The following ZNF454 variants were observed in gnomAD, a reference collection of about 807,000 sequenced individuals.
ZNF454 encodes zinc finger protein 454.
ZNF454 carries 30 observed loss-of-function variants against 48.2 expected under a neutral mutation model. The observed-to-expected ratio is 0.62, with a 90% CI of 0.47 to 0.84. The LOEUF (loss-of-function observed/expected upper bound fraction) is 0.84, where lower values mean the gene tolerates loss of function less well. Ranked by LOEUF, ZNF454 falls within the 40% of genes least tolerant of loss-of-function variation. ZNF454 has a pLI of 0.00. For synonymous variants in ZNF454, 204 were observed against 211.4 expected (o/e 0.97, Z 0.30); for missense variants, 510 against 623.1 (o/e 0.82, Z 1.93).
the ZNF454 span, among the ~76,000 whole-genome samples, chr5:178,974,524 T>TA: frequency 1.3e-5 from 2 of 152,304 alleles, no homozygotes; most frequent in East Asian, 3.9e-4. Flanking sequence ...TTCACCGTGT[T>TA]AGCCAGGATG....
the ZNF454 span, chr5:178,985,314 C>T: frequency 6.6e-6 from 3 of 454,518 alleles, no homozygotes; most frequent in Non-Finnish European, 8.9e-6. Context: ...ACCTGACTGC[C>T]CCGTTTTCCT....
At chr5:178,963,345 A>G (rs1760054834) in intron 4 of ZNF454, among the ~76,000 whole-genome samples, 1 of 151,830 alleles carries the variant, frequency 6.6e-6, no homozygotes, top group South Asian at 2.1e-4. Flanking sequence ...AACTTTGACC[A>G]TTCTTTGTTT....
At chr5:178,969,302 CT>C, downstream of ZNF454, 1 of 380,026 alleles carries the variant, frequency 2.6e-6, no homozygotes, top group Non-Finnish European at 5.3e-6. Flanking sequence ...TGCAGTAAGA[CT>C]TTTTCAGCCA....
the ZNF454 span, among the ~76,000 whole-genome samples, chr5:178,977,080 C>T: frequency 1.1e-3 from 160 of 152,144 alleles, no homozygotes; most frequent in Non-Finnish European, 2.0e-3. Context: ...CACAGCACCA[C>T]GGTGCCATGG....
the ZNF454 span, among the ~76,000 whole-genome samples, chr5:178,985,923 G>C: frequency 1.3e-5 from 2 of 152,048 alleles, no homozygotes; most frequent in South Asian, 4.2e-4. Flanking sequence ...CACCATGCCT[G>C]GCTAATTTTC....
chr5:178,947,073 C>T (rs1759368896), intron 4 of ZNF454, 87 bp downstream of exon 4: 1 of 1,043,272 alleles, frequency 9.6e-7, no homozygotes, highest in Non-Finnish European at 1.4e-6. Flanking sequence ...CTTGCAGATG[C>T]ACCTGCCTGA....
Position 178,943,969 on chromosome 5 carries a change from G to A in ZNF454, c.33+1145G>A, listed in dbSNP as rs181856481. On this transcript the variant is annotated intron_variant, in intron 2 of 4. Coordinates refer to ENST00000519564, the MANE Select transcript of ZNF454 (RefSeq NM_001178089.3). ...GTGAACCCAGGAGGCGGAGCTTGCA[G>A]TGAGCCAAGATTGTGCCAGTGCACT... Among the ~76,000 whole-genome samples the A allele has an allele frequency of 3.2e-3, 483 of 152,330 alleles. 4 individuals are homozygous for A. Among genetic ancestry groups the A allele is most frequent in the African/African-American group, 0.011 (444 of 41,580 alleles).
At position 178,959,877 on chromosome 5, in the gene ZNF454, T is replaced by C. The variant is rs191791940; in HGVS notation, c.251-4778T>C. On this transcript the variant is annotated intron_variant, in intron 4 of 4. Coordinates refer to ENST00000519564, the MANE Select transcript of ZNF454 (RefSeq NM_001178089.3). ...GCCTCGGCCTCCCAAAGTGCTGGGA[T>C]TACAGGCATGAGCCACCGTGCCCGG... 9.2e-3 allele frequency among the ~76,000 whole-genome samples: 1,395 copies of C among 151,882 alleles called. 24 individuals carry two copies. The highest frequency in any genetic ancestry group is 0.031 in the African/African-American group (1,299 of 41,570).
chr5:178,986,691 G>A, the ZNF454 span: 1 of 1,604,360 alleles, frequency 6.2e-7, no homozygotes, highest in Non-Finnish European at 8.5e-7. Flanking sequence ...CCGGCCCGCA[G>A]GGCAGGCTGC....
intron 4 of ZNF454, among the ~76,000 whole-genome samples, chr5:178,962,052 T>A (rs1277808687): frequency 1.3e-5 from 2 of 151,794 alleles, no homozygotes; most frequent in African/African-American, 4.8e-5. Flanking sequence ...TCTGTGTTTC[T>A]TTTAATGTAG....
intron 2 of ZNF454, among the ~76,000 whole-genome samples, chr5:178,943,527 T>C (rs1179450306): frequency 6.6e-6 from 1 of 152,132 alleles, no homozygotes; most frequent in Non-Finnish European, 1.5e-5. Flanking sequence ...GGAAGGGACA[T>C]ACATCCAAAC....
chr5:178,986,193 T>C, the ZNF454 span: 27 of 1,613,422 alleles, frequency 1.7e-5, 1 homozygote, highest in Admixed American at 3.5e-4. Flanking sequence ...AGGGAGGGGG[T>C]GTGACCGAGC....
At chr5:178,968,470 C>T (rs1760198384), downstream of ZNF454, among the ~76,000 whole-genome samples, 1 of 152,182 alleles carries the variant, frequency 6.6e-6, no homozygotes, top group Non-Finnish European at 1.5e-5. Flanking sequence ...CTAATAAAGG[C>T]CACCTTTGTG....
chr5:178,945,095 GTGTTCGGGTGTGT>G (rs1759262421), intron 2 of ZNF454, among the ~76,000 whole-genome samples: 1 of 101,514 alleles, frequency 9.9e-6, no homozygotes, highest in Non-Finnish European at 2.1e-5. Flanking sequence ...GGGGGTGTGT[GTGTTCGGGTGTGT>G]GTGCGCGCTT....
At chr5:178,989,247 A>G in the ZNF454 span, 1 of 1,347,094 alleles carries the variant, frequency 7.4e-7, no homozygotes, top group Non-Finnish European at 9.9e-7. Flanking sequence ...CACCCTCACC[A>G]CCCTGGGCAG....
At chr5:178,949,911 G>A (rs1055488784) in intron 4 of ZNF454, among the ~76,000 whole-genome samples, 10 of 152,210 alleles carry the variant, frequency 6.6e-5, no homozygotes, top group Non-Finnish European at 1.3e-4. Context: ...CACCACGCCC[G>A]GCCTCTGTTT....
At chr5:178,982,109 C>T in the ZNF454 span, among the ~76,000 whole-genome samples, 3,871 of 152,152 alleles carry the variant, frequency 0.025, 79 homozygotes, top group South Asian at 0.074. Context: ...AAGCGGGAGC[C>T]GGGGCATGTC....
At chr5:178,985,527 C>T in the ZNF454 span, 32 of 339,298 alleles carry the variant, frequency 9.4e-5, no homozygotes, top group Admixed American at 2.4e-4. Flanking sequence ...CACGGTGAAG[C>T]CCTGTCTCTA....
At chr5:178,943,486 A>G (rs1482789908) in intron 2 of ZNF454, among the ~76,000 whole-genome samples, 1 of 152,128 alleles carries the variant, frequency 6.6e-6, no homozygotes, top group Non-Finnish European at 1.5e-5. Context: ...CCCCCCTCCA[A>G]CATTGGAGGT....
Sources: gnomAD v4.1 joint callset for allele counts (sites outside exome capture counted in the v4.1 genomes callset) on GRCh38, gnomAD v4.1.1 for gene constraint, MANE v1.5 for transcripts, NCBI Gene and HGNC (gene_info 2026-07-23, HGNC 2026-07-21) for gene names.